KCNMA1: variants seen among roughly 807,000 people sequenced by gnomAD.
KCNMA1 encodes potassium calcium-activated channel subfamily M alpha 1, also known as Calcium-activated potassium channel subunit alpha-1.
A neutral mutation model predicts 140.0 loss-of-function variants in KCNMA1; 29 were observed. That is an observed-to-expected ratio of 0.21 (90% CI 0.15 to 0.28). The LOEUF is 0.28. KCNMA1 is among the 10% of genes least tolerant of loss of function. KCNMA1 has a pLI of 1.00. For missense variants in KCNMA1, 880 were observed against 1,602.2 expected, an observed-to-expected ratio of 0.55 and a Z score of 7.70; for synonymous variants, 612 against 611.9, an observed-to-expected ratio of 1.00 and a Z score of 0.00.
intron 22 of KCNMA1, 151 bp downstream of exon 22, chr10:76,948,991 G>C: frequency 1.3e-6 from 1 of 778,388 alleles, no homozygotes. Context: ...GATTTTCCTT[G>C]ACAGAGCATA....
At chr10:76,976,582 C>T (rs1417054741) in intron 19 of KCNMA1, among the ~76,000 whole-genome samples, 1 of 152,088 alleles carries the variant, frequency 6.6e-6, no homozygotes, top group Non-Finnish European at 1.5e-5. Context: ...AGGCCCTCAA[C>T]CCCAATCTCA....
intron 1 of KCNMA1, among the ~76,000 whole-genome samples, chr10:77,493,551 T>A (rs912649615): frequency 1.3e-5 from 2 of 152,184 alleles, no homozygotes; most frequent in Non-Finnish European, 2.9e-5. Context: ...GTGGTTCAGT[T>A]TTAGGCACTG....
chr10:77,013,564 C>T (rs117688390), intron 17 of KCNMA1, among the ~76,000 whole-genome samples: 190 of 152,274 alleles, frequency 1.2e-3, no homozygotes, highest in East Asian at 4.4e-3. Flanking sequence ...AGTAACTCTG[C>T]GTCCACTTCC....
intron 1 of KCNMA1, among the ~76,000 whole-genome samples, chr10:77,426,381 C>T (rs2096990738): frequency 6.6e-6 from 1 of 152,098 alleles, no homozygotes; most frequent in African/African-American, 2.4e-5. Flanking sequence ...AATAGTAACT[C>T]ATTGAATCCT....
At chr10:77,636,460 C>T in intron 1 of KCNMA1, 1 of 1,536,214 alleles carries the variant, frequency 6.5e-7, no homozygotes, top group Non-Finnish European at 8.7e-7. Context: ...CTCAGGCGGA[C>T]TCCCGCTCCA....
At chr10:76,883,721 G>GTTTTTTT (rs113872996), downstream of KCNMA1, among the ~76,000 whole-genome samples, 7 of 113,194 alleles carry the variant, frequency 6.2e-5, no homozygotes, top group African/African-American at 9.6e-5. Flanking sequence ...TTACTTCCTT[G>GTTTTTTT]TTTTTTTTTT....
chr10:77,077,634 T>C (rs1270164895), intron 13 of KCNMA1, among the ~76,000 whole-genome samples: 4 of 152,192 alleles, frequency 2.6e-5, no homozygotes, highest in Non-Finnish European at 4.4e-5. Context: ...ATTTTCCTAT[T>C]CAATCTAAAT....
At chr10:77,243,037 A>G (rs2057693776) in intron 3 of KCNMA1, among the ~76,000 whole-genome samples, 2 of 151,930 alleles carry the variant, frequency 1.3e-5, no homozygotes, top group South Asian at 2.1e-4. Context: ...TGAGAGTTCT[A>G]TTTTTAAGCC....
Position 76,924,089 on chromosome 10 carries a change from AT to A in KCNMA1, c.2903-9041del, listed in dbSNP as rs533405108. On this transcript the variant is annotated intron_variant, in intron 23 of 27. Coordinates refer to ENST00000286628, the MANE Select transcript of KCNMA1 (RefSeq NM_001161352.2). ...TTTTACCTCCACTTTGGCCTAAGCA[AT>A]TGTACTTCTAAAAATATGTGTACAG... Among the ~76,000 whole-genome samples the A allele has an allele frequency of 1.9e-4, 29 of 152,324 alleles. No individual in the cohort carries two copies. In the South Asian group the frequency reaches 5.8e-3, roughly 30 times the overall value.
intron 5 of KCNMA1, among the ~76,000 whole-genome samples, chr10:77,125,812 T>G (rs915807706): frequency 1.3e-5 from 2 of 152,248 alleles, no homozygotes; most frequent in Admixed American, 1.3e-4. Context: ...ATCAAAGTTT[T>G]GAGAAATAAT....
At chr10:76,971,880 A>G (rs114256987) in intron 19 of KCNMA1, among the ~76,000 whole-genome samples, 1,949 of 152,272 alleles carry the variant, frequency 0.013, 33 homozygotes, top group African/African-American at 0.043. Flanking sequence ...GCAAACAGGC[A>G]CTCTGAGCTT....
chr10:77,296,478 A>C (rs897400910), intron 2 of KCNMA1, among the ~76,000 whole-genome samples: 3 of 152,214 alleles, frequency 2.0e-5, no homozygotes, highest in African/African-American at 7.2e-5. Context: ...TTACAGCAGC[A>C]ACAGGGAACT....
At chr10:77,241,935 C>T (rs1204770734) in intron 3 of KCNMA1, among the ~76,000 whole-genome samples, 13 of 152,052 alleles carry the variant, frequency 8.5e-5, no homozygotes, top group Non-Finnish European at 1.8e-4. Context: ...TCAACAAAGC[C>T]AACGTACCTA....
intron 15 of KCNMA1, among the ~76,000 whole-genome samples, chr10:77,034,997 C>CT (rs1447915812): frequency 2.6e-5 from 4 of 152,122 alleles, no homozygotes; most frequent in African/African-American, 7.2e-5. Context: ...TGTCCAGCCC[C>CT]TCCCCTCCCC....
At chr10:77,254,007 G>A (rs891423900) in intron 2 of KCNMA1, among the ~76,000 whole-genome samples, 3 of 152,072 alleles carry the variant, frequency 2.0e-5, no homozygotes, top group Non-Finnish European at 4.4e-5. Context: ...CACCTTAGAA[G>A]TGTCAGTTTA....
chr10:77,514,958 T>A (rs564599595), intron 1 of KCNMA1, among the ~76,000 whole-genome samples: 188 of 152,270 alleles, frequency 1.2e-3, no homozygotes, highest in African/African-American at 4.4e-3. Flanking sequence ...CACCTCCTTT[T>A]CTTTATGAGA....
intron 3 of KCNMA1, chr10:77,250,070 C>T (rs1191000576): frequency 6.6e-6 from 1 of 152,172 alleles, no homozygotes; most frequent in Non-Finnish European, 1.5e-5. Flanking sequence ...TGCACAAAAT[C>T]CTTGGCCGGT....
intron 1 of KCNMA1, chr10:77,636,824 G>C (rs968720814): frequency 7.7e-6 from 11 of 1,437,786 alleles, no homozygotes; most frequent in African/African-American, 7.2e-5. Flanking sequence ...CTAAAGTATG[G>C]GCGGATGTGC....
At chr10:77,189,883 T>C (rs1261174275) in intron 3 of KCNMA1, among the ~76,000 whole-genome samples, 1 of 152,192 alleles carries the variant, frequency 6.6e-6, no homozygotes, top group African/African-American at 2.4e-5. Flanking sequence ...TAATTAAAAA[T>C]GTCATTCATC....
Sources: gnomAD v4.1 joint callset for allele counts (sites outside exome capture counted in the v4.1 genomes callset) on GRCh38, gnomAD v4.1.1 for gene constraint, MANE v1.5 for transcripts, NCBI Gene and HGNC (gene_info 2026-07-23, HGNC 2026-07-21) for gene names.